The following ANXA8 variants were observed in gnomAD, a reference collection of about 807,000 sequenced individuals.
ANXA8 encodes the protein VAC-beta.
ANXA8 carries 9 observed loss-of-function variants against 26.8 expected under a neutral mutation model. The observed-to-expected ratio is 0.34, with a 90% confidence interval of 0.20 to 0.59. The LOEUF is 0.59. ANXA8 is among the 20% of genes least tolerant of loss of function. The pLI is 0.84. For missense variants in ANXA8, 83 were observed against 238.5 expected, an observed-to-expected ratio of 0.35 and a Z score of 4.29; for synonymous variants, 39 against 94.8, an observed-to-expected ratio of 0.41 and a Z score of 3.42.
At chr10:47,613,759 C>A in the ANXA8 span, among the ~76,000 whole-genome samples, 4 of 79,434 alleles carry the variant, frequency 5.0e-5, 1 homozygote, top group East Asian at 2.6e-4. Context: ...CTACTCAGAT[C>A]ATCAAGCACT....
At chr10:47,484,659 T>A, upstream of ANXA8, 1 of 921,788 alleles carries the variant, frequency 1.1e-6, no homozygotes, top group Non-Finnish European at 1.6e-6. Flanking sequence ...TTCAGAGGCA[T>A]CACTGGAGGA....
At chr10:47,503,128 C>A in the ANXA8 span, 11 of 1,610,076 alleles carry the variant, frequency 6.8e-6, no homozygotes, top group Non-Finnish European at 9.3e-6. Context: ...GGTAGATGTC[C>A]GAAGGTCAAT....
the ANXA8 span, among the ~76,000 whole-genome samples, chr10:47,743,170 CAAA>C: frequency 2.7e-5 from 1 of 37,016 alleles, no homozygotes; most frequent in Non-Finnish European, 5.4e-5. Flanking sequence ...GACTCTGTCT[CAAA>C]AAAAAAAAAA....
chr10:47,652,367 C>A, the ANXA8 span, among the ~76,000 whole-genome samples: 1 of 151,710 alleles, frequency 6.6e-6, no homozygotes, highest in Non-Finnish European at 1.5e-5. Flanking sequence ...GAGGCCGAGG[C>A]GAGTGGATCA....
chr10:47,746,643 A>G, the ANXA8 span, among the ~76,000 whole-genome samples: 6 of 128,274 alleles, frequency 4.7e-5, no homozygotes, highest in African/African-American at 1.7e-4. Flanking sequence ...GCGCCACTGC[A>G]CTCCAGCCTG....
chr10:47,516,583 C>A, the ANXA8 span, among the ~76,000 whole-genome samples: 1 of 138,548 alleles, frequency 7.2e-6, no homozygotes, highest in Non-Finnish European at 1.5e-5. Context: ...CCACACAAGA[C>A]AGCAGTTACG....
the ANXA8 span, chr10:47,690,945 AGAAAT>A: frequency 3.1e-6 from 5 of 1,611,354 alleles, no homozygotes; most frequent in Non-Finnish European, 4.2e-6. Flanking sequence ...ATTCTGCTGT[AGAAAT>A]GGATCGGAGA....
chr10:47,657,516 C>T, the ANXA8 span, among the ~76,000 whole-genome samples: 5 of 151,916 alleles, frequency 3.3e-5, no homozygotes, highest in East Asian at 3.9e-4. Flanking sequence ...AAACCTACTT[C>T]GTTTCTTGAA....
chr10:47,956,928 G>C, the ANXA8 span, among the ~76,000 whole-genome samples: 178 of 150,318 alleles, frequency 1.2e-3, no homozygotes, highest in Non-Finnish European at 2.0e-3. Flanking sequence ...CCAGATACAG[G>C]TATAGTCTCT....
the ANXA8 span, among the ~76,000 whole-genome samples, chr10:47,721,594 C>T: frequency 3.8e-5 from 5 of 131,416 alleles, no homozygotes; most frequent in Non-Finnish European, 6.6e-5. Flanking sequence ...TGCACTGGTG[C>T]GATCTCAGCT....
chr10:47,552,330 A>G, the ANXA8 span, among the ~76,000 whole-genome samples: 4 of 151,222 alleles, frequency 2.6e-5, no homozygotes, highest in Non-Finnish European at 5.9e-5. Context: ...ATTCTTAATT[A>G]ATTTCATTCT....
intron 1 of ANXA8, among the ~76,000 whole-genome samples, chr10:47,481,214 T>TTCAAGCCCCTTGTGTG (rs2132424670): frequency 1.1e-5 from 1 of 94,442 alleles, no homozygotes; most frequent in South Asian, 4.3e-4. Flanking sequence ...CTGTTAGCAC[T>TTCAAGCCCCTTGTGTG]TCAAGCCCCT....
the ANXA8 span, among the ~76,000 whole-genome samples, chr10:47,592,475 TG>T: frequency 4.0e-5 from 6 of 149,150 alleles, no homozygotes; most frequent in Non-Finnish European, 8.8e-5. Flanking sequence ...AAGTTGCATC[TG>T]GTCCACATGC....
the ANXA8 span, among the ~76,000 whole-genome samples, chr10:47,967,314 G>A: frequency 6.6e-6 from 1 of 150,938 alleles, no homozygotes; most frequent in Non-Finnish European, 1.5e-5. Flanking sequence ...TATTCATCTG[G>A]AGAAAATTTA....
At chr10:47,670,048 G>A in the ANXA8 span, among the ~76,000 whole-genome samples, 16 of 150,584 alleles carry the variant, frequency 1.1e-4, no homozygotes, top group Admixed American at 6.6e-4. Context: ...TGGAAGCCAC[G>A]AATGTGCTTT....
the ANXA8 span, among the ~76,000 whole-genome samples, chr10:47,548,321 G>C: frequency 7.0e-6 from 1 of 142,820 alleles, no homozygotes; most frequent in African/African-American, 2.5e-5. Flanking sequence ...TTTTTTTTGA[G>C]ACAGAATTTC....
the ANXA8 span, among the ~76,000 whole-genome samples, chr10:47,666,963 T>G: frequency 6.6e-6 from 1 of 152,076 alleles, no homozygotes; most frequent in Non-Finnish European, 1.5e-5. Context: ...TAACTCAACC[T>G]AAACATTCTA....
chr10:47,986,542 G>A, the ANXA8 span: 3,054 of 324,930 alleles, frequency 9.4e-3, 83 homozygotes, highest in African/African-American at 0.06. Flanking sequence ...CGCTCCTCAG[G>A]GACCCACATG....
the ANXA8 span, chr10:47,568,141 T>C: frequency 5.2e-6 from 1 of 191,574 alleles, no homozygotes; most frequent in African/African-American, 4.0e-5. Flanking sequence ...TTCAGGCGAT[T>C]CTCCTTGATC....
Sources: gnomAD v4.1 joint callset for allele counts (sites outside exome capture counted in the v4.1 genomes callset) on GRCh38, gnomAD v4.1.1 for gene constraint, MANE v1.5 for transcripts, NCBI Gene and HGNC (gene_info 2026-07-23, HGNC 2026-07-21) for gene names.